The following CDK14 variants were observed in gnomAD, a reference collection of about 807,000 sequenced individuals.
CDK14 encodes cyclin dependent kinase 14, also known as cyclin-dependent kinase 14.
A neutral mutation model predicts 60.7 loss-of-function variants in CDK14; 34 were observed. The observed-to-expected ratio is 0.56, with a 90% CI of 0.43 to 0.75. The LOEUF is 0.75. CDK14 is among the 30% of genes least tolerant of loss of function. CDK14 has a pLI of 0.00. For synonymous variants in CDK14, 197 were observed against 203.7 expected, an observed-to-expected ratio of 0.97 and a Z score of 0.28; for missense variants, 482 against 564.1, an observed-to-expected ratio of 0.85 and a Z score of 1.47.
chr7:91,000,780 C>G (rs900394931), intron 10 of CDK14, among the ~76,000 whole-genome samples: 1 of 152,190 alleles, frequency 6.6e-6, no homozygotes, highest in Non-Finnish European at 1.5e-5. Context: ...ATTCTCAAAA[C>G]AGCAGTTTGT....
intron 12 of CDK14, among the ~76,000 whole-genome samples, chr7:91,090,055 T>C (rs1273240555): frequency 6.6e-6 from 1 of 152,172 alleles, no homozygotes; most frequent in Non-Finnish European, 1.5e-5. Flanking sequence ...CTTTTATTTT[T>C]CCCAAGAAAA....
chr7:90,658,209 GGGCTAGT>G (rs1300313006), intron 2 of CDK14, among the ~76,000 whole-genome samples: 1 of 152,094 alleles, frequency 6.6e-6, no homozygotes, highest in Non-Finnish European at 1.5e-5. Context: ...TAGTCTATTT[GGGCTAGT>G]GTAACAAAAT....
chr7:90,975,478 T>G (rs1184662625), intron 9 of CDK14, among the ~76,000 whole-genome samples: 1 of 151,744 alleles, frequency 6.6e-6, no homozygotes, highest in Non-Finnish European at 1.5e-5. Flanking sequence ...TTTCTTTGTG[T>G]TGGAAACATT....
intron 5 of CDK14, among the ~76,000 whole-genome samples, chr7:90,847,517 C>A (rs1035629290): frequency 6.6e-6 from 1 of 152,228 alleles, no homozygotes; most frequent in Middle Eastern, 3.4e-3. Context: ...GCTCTGTTTT[C>A]TTCCACATGG....
At chr7:91,092,872 A>G (rs903111388) in intron 12 of CDK14, among the ~76,000 whole-genome samples, 2 of 152,246 alleles carry the variant, frequency 1.3e-5, no homozygotes, top group Non-Finnish European at 2.9e-5. Flanking sequence ...GTAGAAGGAA[A>G]CGATCTTTTT....
chr7:90,844,987 C>T (rs78530399), intron 5 of CDK14, among the ~76,000 whole-genome samples: 5,349 of 152,076 alleles, frequency 0.035, 124 homozygotes, highest in Middle Eastern at 0.054. Flanking sequence ...AAATATCTAG[C>T]GAGAGAGAGA....
At chr7:90,910,094 C>T (rs924094320) in intron 7 of CDK14, among the ~76,000 whole-genome samples, 1 of 152,210 alleles carries the variant, frequency 6.6e-6, no homozygotes, top group South Asian at 2.1e-4. Context: ...GCACACTTAA[C>T]ACTGTCAAGT....
chr7:90,880,016 C>G (rs187822545), intron 6 of CDK14, among the ~76,000 whole-genome samples: 1 of 152,208 alleles, frequency 6.6e-6, no homozygotes, highest in Non-Finnish European at 1.5e-5. Context: ...TAGCACCAAA[C>G]TCTGAAACAA....
intron 5 of CDK14, among the ~76,000 whole-genome samples, chr7:90,860,277 G>A (rs1041551080): frequency 5.9e-5 from 9 of 151,698 alleles, no homozygotes; most frequent in Admixed American, 5.3e-4. Flanking sequence ...CACAGAGTTA[G>A]AAAGATGTAA....
intron 14 of CDK14, among the ~76,000 whole-genome samples, chr7:91,153,702 G>T (rs928659509): frequency 6.6e-6 from 1 of 152,076 alleles, no homozygotes; most frequent in East Asian, 1.9e-4. Flanking sequence ...GACACATAGA[G>T]GGAAACAACA....
chr7:90,862,578 C>A (rs1266290269), intron 5 of CDK14, among the ~76,000 whole-genome samples: 1 of 152,132 alleles, frequency 6.6e-6, no homozygotes, highest in Non-Finnish European at 1.5e-5. Flanking sequence ...CAATATGCCT[C>A]TCTCAGTAGT....
chr7:90,933,849 T>C (rs748771800), intron 8 of CDK14, among the ~76,000 whole-genome samples: 28 of 152,252 alleles, frequency 1.8e-4, no homozygotes, highest in Non-Finnish European at 3.1e-4. Flanking sequence ...GAAATGTTGA[T>C]GTTCATGTGG....
intron 5 of CDK14, among the ~76,000 whole-genome samples, chr7:90,805,435 A>AACAC (rs10543007): frequency 0.013 from 1,922 of 151,040 alleles, 19 homozygotes; most frequent in Non-Finnish European, 0.021. Context: ...GAATTTTCTC[A>AACAC]ACACACACAC....
intron 9 of CDK14, among the ~76,000 whole-genome samples, chr7:90,980,156 C>T (rs976059543): frequency 6.6e-6 from 1 of 151,932 alleles, no homozygotes; most frequent in African/African-American, 2.4e-5. Context: ...ATGTTGAGTT[C>T]AAAAAATAGA....
At chr7:90,729,215 C>G (rs1191661793) in intron 3 of CDK14, among the ~76,000 whole-genome samples, 1 of 151,862 alleles carries the variant, frequency 6.6e-6, no homozygotes, top group East Asian at 1.9e-4. Context: ...TAAATTCACT[C>G]CAACTAATCA....
At chr7:90,687,871 A>G (rs1801471450) in intron 2 of CDK14, among the ~76,000 whole-genome samples, 1 of 152,216 alleles carries the variant, frequency 6.6e-6, no homozygotes, top group African/African-American at 2.4e-5. Flanking sequence ...ATTGTGGAAT[A>G]GTGGCCTCTT....
chr7:91,179,040 A>G (rs1801890165), intron 14 of CDK14, among the ~76,000 whole-genome samples: 1 of 152,214 alleles, frequency 6.6e-6, no homozygotes, highest in Admixed American at 6.5e-5. Flanking sequence ...CACAATAGCA[A>G]AGACTTGGAA....
At chr7:90,947,139 T>C (rs1794125028) in intron 8 of CDK14, among the ~76,000 whole-genome samples, 1 of 152,224 alleles carries the variant, frequency 6.6e-6, no homozygotes, top group Non-Finnish European at 1.5e-5. Flanking sequence ...GCGTCAGTCA[T>C]TCTCTCTAAT....
At chr7:90,804,602 G>A (rs569179576) in intron 5 of CDK14, among the ~76,000 whole-genome samples, 1 of 152,216 alleles carries the variant, frequency 6.6e-6, no homozygotes, top group East Asian at 1.9e-4. Flanking sequence ...TCTGATGGGT[G>A]TCTGCCAACT....
Sources: allele counts gnomAD v4.1 joint callset (sites outside exome capture counted in the v4.1 genomes callset), GRCh38; gene constraint gnomAD v4.1.1; transcripts MANE v1.5; gene names NCBI Gene and HGNC (gene_info 2026-07-23, HGNC 2026-07-21).